The following ADGRB3 variants were observed in gnomAD, a reference collection of about 807,000 sequenced individuals.
ADGRB3 encodes the protein brain-specific angiogenesis inhibitor 3.
Under a neutral mutation model 193.4 loss-of-function variants are expected in ADGRB3, and 37 were observed. The ratio of observed to expected loss-of-function variants is 0.19; its 90% CI spans 0.15 to 0.25. The LOEUF is 0.25. Ranked by LOEUF, ADGRB3 falls within the 10% of genes least tolerant of loss-of-function variation. ADGRB3 has a pLI of 1.00. For synonymous variants in ADGRB3, 690 were observed against 644.2 expected, an observed-to-expected ratio of 1.07 and a Z score of -1.08; for missense variants, 1,637 against 1,852.9, an observed-to-expected ratio of 0.88 and a Z score of 2.14.
intron 5 of ADGRB3, 44 bp from the exon 6 acceptor site, chr6:68,943,786 T>G: frequency 1.3e-6 from 2 of 1,484,760 alleles, no homozygotes; most frequent in Non-Finnish European, 9.1e-7. Flanking sequence ...TCTTTGATTT[T>G]ACTGCTCTGC....
At chr6:69,105,575 T>C (rs1464620988) in intron 17 of ADGRB3, among the ~76,000 whole-genome samples, 3 of 152,144 alleles carry the variant, frequency 2.0e-5, no homozygotes, top group Admixed American at 6.6e-5. Flanking sequence ...CTCTTACCTC[T>C]CCCCAAACTC....
intron 3 of ADGRB3, among the ~76,000 whole-genome samples, chr6:68,845,950 G>GA (rs1294759395): frequency 6.6e-6 from 1 of 152,146 alleles, no homozygotes; most frequent in Non-Finnish European, 1.5e-5. Flanking sequence ...GAAAATGTGG[G>GA]AAAGTTTAGA....
intron 3 of ADGRB3, among the ~76,000 whole-genome samples, chr6:68,738,875 C>T (rs1214527212): frequency 6.6e-6 from 1 of 151,932 alleles, no homozygotes; most frequent in Non-Finnish European, 1.5e-5. Context: ...TATAATCTTA[C>T]CAAGAAAGTG....
intron 3 of ADGRB3, among the ~76,000 whole-genome samples, chr6:68,838,052 A>G (rs546680341): frequency 6.6e-6 from 1 of 152,184 alleles, no homozygotes; most frequent in Non-Finnish European, 1.5e-5. Context: ...CAGTATTCAG[A>G]AAGAAAAAAT....
intron 20 of ADGRB3, among the ~76,000 whole-genome samples, chr6:69,265,448 T>C (rs948123986): frequency 2.0e-5 from 3 of 151,954 alleles, no homozygotes; most frequent in Non-Finnish European, 4.4e-5. Context: ...GCAGGTCCTG[T>C]TCTTATCCCC....
rs759795908 is a variant in ADGRB3, at chr6:68,638,972, G to A, written c.297G>A (p.Lys99=). ...QFDHFSHEKI[K]DLLRKNHSIM... is the part of the protein sequence containing the mutation. ...ATCATTTTTCCCATGAAAAAATAAA[G>A]GATCTTTTAAGAAAGAATCATTCTA... The change falls in exon 3 of 32, where the codon AAG becomes AAA. Residue 99 remains lysine (K), a synonymous_variant. Coordinates refer to ENST00000370598, the MANE Select transcript of ADGRB3 (RefSeq NM_001704.3). 1.2e-6 allele frequency: 2 copies of A among 1,613,860 alleles called. No homozygotes were observed. The highest frequency in any genetic ancestry group is 2.2e-5 in the South Asian group (2 of 91,058).
chr6:69,222,257 A>G (rs1365062129), intron 17 of ADGRB3, among the ~76,000 whole-genome samples: 2 of 152,224 alleles, frequency 1.3e-5, no homozygotes, highest in Non-Finnish European at 2.9e-5. Context: ...GTATTTATAT[A>G]GAACTTTCAA....
At chr6:69,024,437 C>A (rs1363930951) in intron 13 of ADGRB3, among the ~76,000 whole-genome samples, 2 of 152,140 alleles carry the variant, frequency 1.3e-5, no homozygotes, top group Non-Finnish European at 2.9e-5. Context: ...CAATGGATTA[C>A]ACCCATAAAA....
intron 10 of ADGRB3, among the ~76,000 whole-genome samples, chr6:68,987,041 C>T (rs574717209): frequency 2.2e-4 from 33 of 152,194 alleles, no homozygotes; most frequent in Non-Finnish European, 4.6e-4. Context: ...CATTTTTCCC[C>T]CTTTCACTGT....
At chr6:68,636,262 G>T (rs574834963) in intron 1 of ADGRB3, among the ~76,000 whole-genome samples, 1 of 152,112 alleles carries the variant, frequency 6.6e-6, no homozygotes, top group South Asian at 2.1e-4. Flanking sequence ...TGTGATTGGG[G>T]TAATTTTATG....
chr6:68,986,538 TC>T (rs1486340028), intron 10 of ADGRB3, among the ~76,000 whole-genome samples: 1 of 152,186 alleles, frequency 6.6e-6, no homozygotes, highest in Non-Finnish European at 1.5e-5. Context: ...GGGTATACCT[TC>T]TTTTTCACAT....
intron 17 of ADGRB3, among the ~76,000 whole-genome samples, chr6:69,130,394 A>G (rs927636652): frequency 1.3e-5 from 2 of 151,792 alleles, no homozygotes; most frequent in Non-Finnish European, 2.9e-5. Flanking sequence ...CTATCTTAGT[A>G]TGCCCAGTTC....
At chr6:69,060,265 C>T (rs931238138) in intron 15 of ADGRB3, among the ~76,000 whole-genome samples, 66 of 122,302 alleles carry the variant, frequency 5.4e-4, no homozygotes, top group Non-Finnish European at 2.1e-4. Flanking sequence ...TCTGTCTCTC[C>T]TTCTCTCTCA....
At chr6:68,726,386 T>G (rs1212736023) in intron 3 of ADGRB3, among the ~76,000 whole-genome samples, 1 of 151,592 alleles carries the variant, frequency 6.6e-6, no homozygotes, top group East Asian at 2.0e-4. Flanking sequence ...TTGGGATTGA[T>G]CTCCTGATTC....
chr6:69,254,600 T>G (rs1402813607), intron 20 of ADGRB3, among the ~76,000 whole-genome samples: 2 of 152,146 alleles, frequency 1.3e-5, no homozygotes, highest in East Asian at 3.8e-4. Context: ...TCATTAAATC[T>G]CGAAGCTATA....
intron 3 of ADGRB3, among the ~76,000 whole-genome samples, chr6:68,906,442 T>C (rs527902526): frequency 2.6e-4 from 39 of 152,088 alleles, no homozygotes; most frequent in African/African-American, 8.9e-4. Flanking sequence ...TTTCAATATA[T>C]ATTTAATCAT....
chr6:68,924,467 T>G (rs1256040339), intron 3 of ADGRB3, among the ~76,000 whole-genome samples: 1 of 152,078 alleles, frequency 6.6e-6, no homozygotes, highest in Non-Finnish European at 1.5e-5. Flanking sequence ...TGGAGTAATG[T>G]TAAATAAATA....
chr6:68,657,447 G>A (rs964727558), intron 3 of ADGRB3, among the ~76,000 whole-genome samples: 2 of 151,322 alleles, frequency 1.3e-5, no homozygotes, highest in Non-Finnish European at 3.0e-5. Flanking sequence ...ATATGGAAAC[G>A]TGTTAACAGA....
At chr6:69,065,731 T>C (rs1267051432) in intron 16 of ADGRB3, among the ~76,000 whole-genome samples, 1 of 147,752 alleles carries the variant, frequency 6.8e-6, no homozygotes, top group African/African-American at 2.5e-5. Context: ...GACTGAAATT[T>C]ATTAGAACAA....
Sources: gnomAD v4.1 joint callset for allele counts (sites outside exome capture counted in the v4.1 genomes callset) on GRCh38, gnomAD v4.1.1 for gene constraint, MANE v1.5 for transcripts, NCBI Gene and HGNC (gene_info 2026-07-23, HGNC 2026-07-21) for gene names.